DAGLB: variants seen among roughly 807,000 people sequenced by gnomAD.
The protein encoded by DAGLB is diacylglycerol lipase beta.
Under a neutral mutation model 72.1 loss-of-function variants are expected in DAGLB, and 66 were observed. That is an observed-to-expected ratio of 0.92 (90% CI 0.75 to 1.12). DAGLB has a LOEUF of 1.12. DAGLB is among the 50% of genes most tolerant of loss of function. The pLI, the probability that DAGLB is intolerant of heterozygous loss-of-function variation, is 0.00. For synonymous variants in DAGLB, 414 were observed against 359.5 expected (o/e 1.15, Z -1.71); for missense variants, 1,065 against 884.9 (o/e 1.20, Z -2.58).
At chr7:6,430,711 TC>T in intron 5 of DAGLB, 104 bp from the exon 6 acceptor site, 3 of 1,263,434 alleles carry the variant, frequency 2.4e-6, no homozygotes, top group Non-Finnish European at 3.1e-6. Flanking sequence ...CTCTTCCTGC[TC>T]CTTCGTTGAA....
chr7:6,435,967 C>G (rs1335989507), intron 3 of DAGLB, among the ~76,000 whole-genome samples: 1 of 151,950 alleles, frequency 6.6e-6, no homozygotes, highest in African/African-American at 2.4e-5. Context: ...CCCTGTCCCA[C>G]TTCTGGACAC....
At position 6,421,657 on chromosome 7, in the gene DAGLB, C is replaced by T. The variant is rs1215286231; in HGVS notation, c.1218+70G>A. 2.5e-5 allele frequency: 38 copies of T among 1,518,236 alleles called. No individual in the cohort carries two copies. The Admixed American group carries it at 4.7e-4, about 19-fold the overall frequency. 94.0% of individuals were successfully genotyped at this position (1,518,236 alleles called of 1,614,324 possible). ...CAGGCAGCGCGGGCTCTGTGCAGTC[C>T]CTGACCCGAGGCACCCATCTTCTGT... is the stretch of plus-strand genomic sequence containing the variant. On this transcript the variant is annotated intron_variant, in intron 9 of 14. Coordinates refer to ENST00000297056, the MANE Select transcript of DAGLB (RefSeq NM_139179.4).
chr7:6,430,937 G>A (rs1049197398), intron 5 of DAGLB, among the ~76,000 whole-genome samples: 9 of 151,900 alleles, frequency 5.9e-5, no homozygotes, highest in African/African-American at 1.7e-4. Flanking sequence ...CACCACACCC[G>A]GCTAATTTTT....
Position 6,421,903 on chromosome 7 carries a change from CG to C in DAGLB, c.1141-100del, listed in dbSNP as rs770194717. On this transcript the variant is annotated intron_variant, in intron 8 of 14. Coordinates refer to ENST00000297056, the MANE Select transcript of DAGLB (RefSeq NM_139179.4). ...CTCCTGACACTTCTGTGGAGGATGG[CG>C]GGGATGGCACCATCTCCTAGTTCGG... The C allele has an allele frequency of 3.0e-6, 4 of 1,319,226 alleles. No individual in the cohort carries two copies. In the African/African-American group the frequency reaches 5.9e-5, roughly 19 times the overall value. 81.7% of individuals were successfully genotyped at this position (1,319,226 alleles called of 1,614,324 possible).
intron 8 of DAGLB, among the ~76,000 whole-genome samples, chr7:6,424,300 C>G (rs940164431): frequency 1.3e-5 from 2 of 152,178 alleles, no homozygotes; most frequent in African/African-American, 4.8e-5. Flanking sequence ...ACCTGGAGAA[C>G]GGCAGGCCAC....
intron 9 of DAGLB, chr7:6,417,380 C>T (rs1031560069): frequency 3.8e-5 from 6 of 157,402 alleles, no homozygotes; most frequent in African/African-American, 1.2e-4. Flanking sequence ...GTTATCGTCG[C>T]ACCACTGGGC....
chr7:6,410,888 T>G (rs1402243112), intron 13 of DAGLB, among the ~76,000 whole-genome samples: 1 of 144,514 alleles, frequency 6.9e-6, no homozygotes, highest in Admixed American at 6.9e-5. Flanking sequence ...GTATTTTTTT[T>G]TTTTTTTTTT....
At position 6,447,927 on chromosome 7, in the gene DAGLB, C is replaced by G; in HGVS notation, c.-85G>C. 6.8e-7 allele frequency: 1 copy of G among 1,473,690 alleles called. No individual in the cohort carries two copies. The highest frequency in any genetic ancestry group is 9.0e-7 in the Non-Finnish European group (1 of 1,115,704). 91.3% of individuals were successfully genotyped at this position (1,473,690 alleles called of 1,614,324 possible). ...ACCAGCACCCTCCGGACGCCGCCAC[C>G]AAATTATCGGCGCTCAAGCGCAAAC... On this transcript the variant is annotated 5_prime_UTR_variant, in exon 1 of 15. Transcript: ENST00000297056.
intron 11 of DAGLB, among the ~76,000 whole-genome samples, chr7:6,414,997 T>G (rs1230234521): frequency 6.6e-6 from 1 of 151,898 alleles, no homozygotes; most frequent in African/African-American, 2.4e-5. Context: ...AGCAAGACCC[T>G]GTTCCTTACA....
chr7:6,415,987 TACCAGGCGCATGGA>T (rs1162993699), intron 11 of DAGLB, among the ~76,000 whole-genome samples: 4 of 151,820 alleles, frequency 2.6e-5, no homozygotes, highest in Non-Finnish European at 5.9e-5. Flanking sequence ...GCGATGTGCC[TACCAGGCGCATGGA>T]TGTCAACAAC....
intron 11 of DAGLB, 142 bp downstream of exon 11, chr7:6,416,485 G>C (rs766941975): frequency 3.8e-5 from 49 of 1,273,040 alleles, no homozygotes; most frequent in Non-Finnish European, 5.1e-5. Flanking sequence ...GGAGCTTGCA[G>C]TGAGCCGAGA....
At chr7:6,433,438 G>A (rs1049908119) in intron 4 of DAGLB, among the ~76,000 whole-genome samples, 7 of 152,172 alleles carry the variant, frequency 4.6e-5, no homozygotes, top group Non-Finnish European at 1.0e-4. Context: ...CCCAAGCTGG[G>A]AAAGCAACAG....
In DAGLB at chr7:6,447,039, A is replaced by T. The variant is rs374580454; in HGVS notation, c.95+709T>A. ...AAATAAAAAGAAAAGGGGTCTCACT[A>T]TGTTGCCCAGGTTGGTCTCAAACTC... is the stretch of plus-strand genomic sequence containing the variant. On this transcript the variant is annotated intron_variant, in intron 1 of 14. Coordinates refer to ENST00000297056, the MANE Select transcript of DAGLB (RefSeq NM_139179.4). Among the ~76,000 whole-genome samples, 14 of 152,258 alleles carry T rather than the reference A, an allele frequency of 9.2e-5. No homozygotes were observed. In the East Asian group the frequency reaches 2.7e-3, roughly 30 times the overall value.
chr7:6,424,915 T>C, intron 7 of DAGLB, 80 bp from the exon 8 acceptor site: 2 of 1,407,148 alleles, frequency 1.4e-6, no homozygotes, highest in Non-Finnish European at 2.0e-6. Flanking sequence ...CTGCAGTGTC[T>C]GCAATGACAG....
In DAGLB at chr7:6,446,052, C is replaced by T. The variant is rs1356583217; in HGVS notation, c.148G>A (p.Ala50Thr). ...YLMHRGKLDC[A>T]GGALLSSYLI... ...TAACTGCTGAGCAAGGCTCCACCAGCACAGTCCAGCTTTCCTCTGTGCATG... is the reference window on the plus strand; with the variant it reads ...TAACTGCTGAGCAAGGCTCCACCAGTACAGTCCAGCTTTCCTCTGTGCATG... The change falls in exon 2 of 15, where the codon GCT (alanine) becomes ACT (threonine). Residue 50 changes from alanine to threonine, a missense_variant. Physicochemically the swap from Ala to Thr is moderately conservative, Grantham distance 58. Transcript: ENST00000297056. 1.2e-6 allele frequency: 2 copies of T among 1,613,080 alleles called. No homozygotes were observed. The highest frequency in any genetic ancestry group is 3.3e-4 in the Middle Eastern group (2 of 6,062).
Position 6,416,514 on chromosome 7 carries a change from G to A in DAGLB, c.1427+113C>T, listed in dbSNP as rs529667966. 3,023 of 1,477,202 alleles carry A rather than the reference G, an allele frequency of 2.0e-3. 4 individuals are homozygous for A. The highest frequency in any genetic ancestry group is 2.6e-3 in the Non-Finnish European group (2,858 of 1,107,844). 91.5% of individuals were successfully genotyped at this position (1,477,202 alleles called of 1,614,324 possible). ...GCCGAGATCACGCCACTGCACTCCA[G>A]CCTGGGCGACAGAGCAAGACTTCAT... On this transcript the variant is annotated intron_variant, in intron 11 of 14. Transcript: ENST00000297056.
chr7:6,415,320 TC>T (rs570410801), intron 11 of DAGLB, among the ~76,000 whole-genome samples: 413 of 152,196 alleles, frequency 2.7e-3, no homozygotes, highest in African/African-American at 9.3e-3. Context: ...TCCTGTTTTT[TC>T]CTGTGTGAAC....
intron 2 of DAGLB, among the ~76,000 whole-genome samples, chr7:6,437,734 C>T (rs552812223): frequency 3.9e-4 from 60 of 152,192 alleles, no homozygotes; most frequent in African/African-American, 1.4e-3. Context: ...CCACAACCTC[C>T]GCCTCCCAGG....
At chr7:6,410,578 T>C (rs1048028287) in intron 13 of DAGLB, among the ~76,000 whole-genome samples, 198 bp from the exon 14 acceptor site, 1 of 152,160 alleles carries the variant, frequency 6.6e-6, no homozygotes, top group African/African-American at 2.4e-5. Context: ...CTATGCCTAG[T>C]CACAGATCAT....
Sources: allele counts gnomAD v4.1 joint callset (sites outside exome capture counted in the v4.1 genomes callset), GRCh38; gene constraint gnomAD v4.1.1; transcripts MANE v1.5; gene names NCBI Gene and HGNC (gene_info 2026-07-23, HGNC 2026-07-21).